Variants in PRR16 observed in about 807,000 individuals in gnomAD.
PRR16 encodes proline rich 16, also known as protein Largen.
PRR16 carries 6 observed loss-of-function variants against 18.2 expected under a neutral mutation model. The ratio of observed to expected loss-of-function variants is 0.33; its 90% CI spans 0.18 to 0.65. The LOEUF is 0.65. Ranked by LOEUF, PRR16 falls within the 30% of genes least tolerant of loss-of-function variation. PRR16 has a pLI of 0.74. For missense variants in PRR16, 412 were observed against 376.6 expected (o/e 1.09, Z -0.78); for synonymous variants, 151 against 147.8 (o/e 1.02, Z -0.16).
intron 1 of PRR16, among the ~76,000 whole-genome samples, chr5:120,488,282 CT>C (rs997017271): frequency 1.3e-5 from 2 of 152,004 alleles, no homozygotes; most frequent in African/African-American, 4.8e-5. Flanking sequence ...TGGTCTTAGA[CT>C]TTTTTTGGTT....
intron 1 of PRR16, among the ~76,000 whole-genome samples, chr5:120,484,816 T>C (rs1257342127): frequency 1.3e-5 from 2 of 151,060 alleles, no homozygotes. Flanking sequence ...TTATTTTCTT[T>C]CCTAGTAAGA....
At chr5:120,653,752 C>G (rs912005928) in intron 1 of PRR16, among the ~76,000 whole-genome samples, 1 of 151,990 alleles carries the variant, frequency 6.6e-6, no homozygotes, top group Non-Finnish European at 1.5e-5. Flanking sequence ...ATGCATTTCT[C>G]CAGTCCCTGA....
chr5:120,609,587 A>G (rs1249834017), intron 1 of PRR16, among the ~76,000 whole-genome samples: 4 of 152,192 alleles, frequency 2.6e-5, no homozygotes, highest in Non-Finnish European at 5.9e-5. Flanking sequence ...AAGTAAAATA[A>G]TGGCTATCTT....
the PRR16 span, among the ~76,000 whole-genome samples, chr5:120,785,575 G>GTTGTTTTTTTTTTTTTTTTTT: frequency 2.2e-4 from 25 of 115,416 alleles, no homozygotes; most frequent in African/African-American, 5.8e-4. Context: ...TGTTGTTGTT[G>GTTGTTTTTTTTTTTTTTTTTT]TTTTTTTTTT....
chr5:120,766,432 TTTCTA>T, the PRR16 span, among the ~76,000 whole-genome samples: 1,221 of 152,084 alleles, frequency 8.0e-3, 7 homozygotes, highest in Middle Eastern at 0.027. Flanking sequence ...TTTTATTACT[TTTCTA>T]TTATATCTTT....
At chr5:120,572,836 A>G (rs775853383) in intron 1 of PRR16, among the ~76,000 whole-genome samples, 17 of 152,152 alleles carry the variant, frequency 1.1e-4, no homozygotes, top group African/African-American at 3.9e-4. Context: ...GGAATGGTCA[A>G]ATTGGTTATC....
chr5:120,506,955 C>T (rs1426137365), intron 1 of PRR16, among the ~76,000 whole-genome samples: 1 of 152,070 alleles, frequency 6.6e-6, no homozygotes, highest in Non-Finnish European at 1.5e-5. Flanking sequence ...AGCTTTCTGG[C>T]CTCAATAGAA....
At chr5:120,740,137 G>A in the PRR16 span, among the ~76,000 whole-genome samples, 5 of 152,166 alleles carry the variant, frequency 3.3e-5, no homozygotes, top group South Asian at 1.0e-3. Flanking sequence ...AATACTTAAG[G>A]GGCTTTGGTC....
intron 1 of PRR16, among the ~76,000 whole-genome samples, chr5:120,621,599 A>AG (rs1302442390): frequency 1.4e-4 from 22 of 152,188 alleles, no homozygotes; most frequent in African/African-American, 4.8e-4. Flanking sequence ...GTCAGGGGAG[A>AG]GACCAGGTGG....
At chr5:120,489,880 G>A (rs1402500776) in intron 1 of PRR16, among the ~76,000 whole-genome samples, 1 of 152,162 alleles carries the variant, frequency 6.6e-6, no homozygotes, top group East Asian at 1.9e-4. Flanking sequence ...TTGCTTGTCT[G>A]TAAAGTATTT....
intron 1 of PRR16, among the ~76,000 whole-genome samples, chr5:120,670,289 G>T (rs1268690164): frequency 6.6e-6 from 1 of 151,978 alleles, no homozygotes; most frequent in African/African-American, 2.4e-5. Context: ...TTTTGCTATG[G>T]ATCCACTAAA....
At chr5:120,483,437 G>T (rs1348272664) in intron 1 of PRR16, among the ~76,000 whole-genome samples, 1 of 113,906 alleles carries the variant, frequency 8.8e-6, no homozygotes, top group East Asian at 3.5e-4. Context: ...TATTTTATCA[G>T]ATAGGTTCAA....
At chr5:120,564,399 T>A (rs564539470) in intron 1 of PRR16, among the ~76,000 whole-genome samples, 1 of 152,234 alleles carries the variant, frequency 6.6e-6, no homozygotes, top group East Asian at 1.9e-4. Flanking sequence ...TGGCCTGTAG[T>A]GGCGAGGCTT....
the PRR16 span, among the ~76,000 whole-genome samples, chr5:120,768,770 T>A: frequency 6.6e-6 from 1 of 151,770 alleles, no homozygotes. Context: ...CAAATTTAAT[T>A]TAAGAGTAAG....
chr5:120,590,611 G>A (rs1188763740), intron 1 of PRR16, among the ~76,000 whole-genome samples: 1 of 152,170 alleles, frequency 6.6e-6, no homozygotes, highest in East Asian at 1.9e-4. Context: ...ACACTTGAAT[G>A]AAGTTATTGG....
At chr5:120,497,870 G>A (rs1478821360) in intron 1 of PRR16, among the ~76,000 whole-genome samples, 2 of 150,854 alleles carry the variant, frequency 1.3e-5, no homozygotes, top group Non-Finnish European at 3.0e-5. Flanking sequence ...AGTCACTCTT[G>A]CTTTTTGATT....
intron 1 of PRR16, among the ~76,000 whole-genome samples, chr5:120,604,146 C>T (rs1409398924): frequency 1.3e-5 from 2 of 151,766 alleles, no homozygotes; most frequent in African/African-American, 4.8e-5. Context: ...CTAACACCGT[C>T]AGTGGAGTTT....
chr5:120,620,203 C>T (rs942686313), intron 1 of PRR16, among the ~76,000 whole-genome samples: 5 of 152,120 alleles, frequency 3.3e-5, no homozygotes, highest in African/African-American at 4.8e-5. Flanking sequence ...TCCATAATAA[C>T]ATAGTGCATA....
chr5:120,535,602 T>A (rs930495053), intron 1 of PRR16, among the ~76,000 whole-genome samples: 3 of 150,984 alleles, frequency 2.0e-5, no homozygotes, highest in African/African-American at 7.3e-5. Flanking sequence ...GAGTTCAAAA[T>A]CAGCCTGGCC....
Sources: gnomAD v4.1 joint callset for allele counts (sites outside exome capture counted in the v4.1 genomes callset) on GRCh38, gnomAD v4.1.1 for gene constraint, MANE v1.5 for transcripts, NCBI Gene and HGNC (gene_info 2026-07-23, HGNC 2026-07-21) for gene names.